RRN3: variants seen among roughly 807,000 people sequenced by gnomAD.
RRN3 encodes RNA polymerase I transcription factor RRN3, also known as RNA polymerase I-specific transcription initiation factor RRN3.
A neutral mutation model predicts 82.3 loss-of-function variants in RRN3; 38 were observed. The ratio of observed to expected loss-of-function variants is 0.46; its 90% CI spans 0.36 to 0.61. RRN3 has a LOEUF of 0.61. RRN3 is among the 20% of genes least tolerant of loss of function. The pLI is 0.00. For missense variants in RRN3, 726 were observed against 793.1 expected (o/e 0.92, Z 1.02); for synonymous variants, 284 against 284.3 (o/e 1.00, Z 0.01).
chr16:15,083,454 C>T, intron 8 of RRN3, 59 bp downstream of exon 8: 1 of 1,601,906 alleles, frequency 6.2e-7, no homozygotes, highest in Non-Finnish European at 8.5e-7. Context: ...CTAATATCAT[C>T]TAAAATGAAA....
intron 11 of RRN3, 82 bp downstream of exon 11, chr16:15,074,641 C>T: frequency 9.9e-7 from 1 of 1,011,062 alleles, no homozygotes; most frequent in Non-Finnish European, 1.4e-6. Context: ...TTTAGTATTA[C>T]TAGAGATAAT....
At chr16:15,082,142 G>A (rs570824382) in intron 8 of RRN3, among the ~76,000 whole-genome samples, 1 of 152,248 alleles carries the variant, frequency 6.6e-6, no homozygotes, top group South Asian at 2.1e-4. Flanking sequence ...AGCAAGAGCG[G>A]ACATCCTTGT....
chr16:15,065,377 G>C lies in RRN3; in HGVS notation c.1554-6C>G, dbSNP rs563336998. 55 of 1,610,188 alleles carry C rather than the reference G, an allele frequency of 3.4e-5. No homozygotes were observed. In the East Asian group the frequency reaches 1.1e-3, roughly 33 times the overall value. On this transcript the variant is annotated splice_polypyrimidine_tract_variant and splice_region_variant and intron_variant, in intron 15 of 17. Transcript: ENST00000198767. The stretch of plus-strand genomic sequence containing the variant: ...AGAAGACGAGCTGGTACTTACTGTG[G>C]AACAAAAAAACAACACAGACAGAGG...
rs1360685154 is a variant in RRN3 at position 15,076,653 on chromosome 16, A to G, written c.766-3T>C. The G allele has an allele frequency of 6.3e-7, 1 of 1,589,954 alleles. No individual in the cohort carries two copies. Among genetic ancestry groups the G allele is most frequent in the East Asian group, 2.2e-5 (1 of 44,776 alleles). On this transcript the variant is annotated splice_region_variant and splice_polypyrimidine_tract_variant and intron_variant, in intron 9 of 17. Transcript: ENST00000198767. ...ATACCCTGCCGGGATGCATTCACCT[A>G]TAACAAAGGGAGAAAAAAAAAGAAT...
chr16:15,084,763 T>G (rs1340862643), intron 6 of RRN3, 58 bp from the exon 7 acceptor site: 1 of 1,213,334 alleles, frequency 8.2e-7, no homozygotes, highest in Admixed American at 1.7e-5. Flanking sequence ...GGCGACACGC[T>G]TGAAGCTAAA....
At chr16:15,091,507 T>C (rs1006699159) in intron 2 of RRN3, 136 bp from the exon 3 acceptor site, 38 of 659,026 alleles carry the variant, frequency 5.8e-5, no homozygotes, top group Middle Eastern at 4.3e-4. Flanking sequence ...TTGCGGATTA[T>C]AAAATCATGA....
At chr16:15,085,326 C>CT (rs11436275) in intron 6 of RRN3, among the ~76,000 whole-genome samples, 96,613 of 149,796 alleles carry the variant, frequency 0.64, 32,581 homozygotes, top group Non-Finnish European at 0.74. Flanking sequence ...CTGTGCTTTA[C>CT]TTTTTTTTTT....
At position 15,087,472 on chromosome 16, in the gene RRN3, C is replaced by T. The variant is rs567427057; in HGVS notation, c.253-1018G>A. On this transcript the variant is annotated intron_variant, in intron 3 of 17. Coordinates refer to ENST00000198767, the MANE Select transcript of RRN3 (RefSeq NM_018427.5). ...GCTATCCTCTGTCCACCGTCCCACA[C>T]GCCTCCCTATATGCGGAGAAGAAGC... is the stretch of plus-strand genomic sequence containing the variant. Among the ~76,000 whole-genome samples, 31 of 152,334 alleles carry T rather than the reference C, an allele frequency of 2.0e-4. No homozygotes were observed. In the South Asian group the frequency reaches 2.5e-3, roughly 12 times the overall value.
chr16:15,082,394 C>T (rs943104429), intron 8 of RRN3, among the ~76,000 whole-genome samples: 2 of 151,844 alleles, frequency 1.3e-5, no homozygotes, highest in African/African-American at 2.4e-5. Context: ...CAATCTCGGC[C>T]GGTCACGGTG....
intron 2 of RRN3, 70 bp downstream of exon 2, chr16:15,092,439 C>T: frequency 1.1e-6 from 1 of 904,904 alleles, no homozygotes; most frequent in Non-Finnish European, 1.8e-6. Flanking sequence ...TTCTATTGGT[C>T]TTTAGTATAA....
chr16:15,083,667 A>G (rs551784165), intron 7 of RRN3, 85 bp from the exon 8 acceptor site: 44 of 1,566,502 alleles, frequency 2.8e-5, no homozygotes, highest in Non-Finnish European at 3.6e-5. Flanking sequence ...CTAAAAGCAA[A>G]TATTGATAGA....
At chr16:15,088,670 G>A (rs974545531) in intron 3 of RRN3, among the ~76,000 whole-genome samples, 1 of 152,090 alleles carries the variant, frequency 6.6e-6, no homozygotes, top group Admixed American at 6.6e-5. Context: ...CAGTAACACA[G>A]TTGAGTCTTT....
chr16:15,078,937 G>A (rs1411078514), intron 9 of RRN3, among the ~76,000 whole-genome samples: 5 of 150,686 alleles, frequency 3.3e-5, no homozygotes, highest in South Asian at 2.1e-4. Context: ...TCAGCCTCCC[G>A]AGTAGCTGGG....
At position 15,061,437 on chromosome 16, in the gene RRN3, T is replaced by C. The variant is rs1459925189; in HGVS notation, c.*307A>G. ...GCCTATATTAGAAATTACCCAGTAA[T>C]TGTGTCAAAAAGCTGTTAACACAAA... On this transcript the variant is annotated 3_prime_UTR_variant, in exon 18 of 18. Transcript: ENST00000198767. The C allele has an allele frequency of 1.2e-5, 4 of 327,568 alleles. No individual in the cohort carries two copies. The highest frequency in any genetic ancestry group is 2.2e-5 in the Non-Finnish European group (4 of 180,914). 20.3% of individuals were successfully genotyped at this position (327,568 alleles called of 1,614,324 possible).
intron 7 of RRN3, among the ~76,000 whole-genome samples, chr16:15,084,080 C>G (rs2045815665): frequency 6.6e-6 from 1 of 152,230 alleles, no homozygotes; most frequent in African/African-American, 2.4e-5. Context: ...AAATAAGGTT[C>G]TGTTAACTCT....
At chr16:15,071,899 T>G (rs1487711401) in intron 12 of RRN3, among the ~76,000 whole-genome samples, 2 of 152,188 alleles carry the variant, frequency 1.3e-5, no homozygotes, top group Non-Finnish European at 2.9e-5. Context: ...CCAGAACTGG[T>G]GACCAACAAT....
intron 9 of RRN3, among the ~76,000 whole-genome samples, chr16:15,079,316 A>C (rs1029226620): frequency 6.6e-6 from 1 of 152,184 alleles, no homozygotes; most frequent in Non-Finnish European, 1.5e-5. Context: ...CCTTAAACAA[A>C]GTTTTAACTG....
intron 3 of RRN3, among the ~76,000 whole-genome samples, chr16:15,087,585 G>A (rs1482402031): frequency 1.3e-5 from 2 of 152,090 alleles, no homozygotes; most frequent in Non-Finnish European, 2.9e-5. Context: ...ACCATTTTCT[G>A]ATGAAATCCC....
At chr16:15,073,689 G>A (rs1176517615) in intron 11 of RRN3, among the ~76,000 whole-genome samples, 1 of 152,118 alleles carries the variant, frequency 6.6e-6, no homozygotes, top group Non-Finnish European at 1.5e-5. Flanking sequence ...GTAAACAGCT[G>A]AATATATAGG....
Sources: allele counts gnomAD v4.1 joint callset (sites outside exome capture counted in the v4.1 genomes callset), GRCh38; gene constraint gnomAD v4.1.1; transcripts MANE v1.5; gene names NCBI Gene and HGNC (gene_info 2026-07-23, HGNC 2026-07-21).